Variants in PPM1L observed in about 807,000 individuals in gnomAD.
PPM1L encodes the protein protein phosphatase 1L.
A neutral mutation model predicts 31.4 loss-of-function variants in PPM1L; 13 were observed. The ratio of observed to expected loss-of-function variants is 0.41; its 90% CI spans 0.27 to 0.66. The LOEUF (loss-of-function observed/expected upper bound fraction) is 0.66. PPM1L is among the 30% of genes least tolerant of loss of function. PPM1L has a pLI of 0.29. For synonymous variants in PPM1L, 184 were observed against 175.4 expected, an observed-to-expected ratio of 1.05 and a Z score of -0.39; for missense variants, 326 against 453.7, an observed-to-expected ratio of 0.72 and a Z score of 2.56.
chr3:160,767,882 T>A (rs1715146290), intron 1 of PPM1L, among the ~76,000 whole-genome samples: 1 of 152,222 alleles, frequency 6.6e-6, no homozygotes, highest in African/African-American at 2.4e-5. Context: ...ATCTAGTAAG[T>A]GCTTTCATTT....
chr3:160,775,304 T>G (rs1711538494), intron 1 of PPM1L, among the ~76,000 whole-genome samples: 1 of 152,242 alleles, frequency 6.6e-6, no homozygotes. Context: ...GCCTGGTTTG[T>G]TAAGGCATTC....
chr3:161,027,830 T>C (rs1333668011), intron 2 of PPM1L, among the ~76,000 whole-genome samples: 1 of 151,762 alleles, frequency 6.6e-6, no homozygotes, highest in Non-Finnish European at 1.5e-5. Flanking sequence ...TGCAAAAAAA[T>C]TTGCAAAAAG....
chr3:161,005,345 A>C (rs1003136046), intron 2 of PPM1L, among the ~76,000 whole-genome samples: 1 of 152,208 alleles, frequency 6.6e-6, no homozygotes, highest in Non-Finnish European at 1.5e-5. Flanking sequence ...AAACAAAGTG[A>C]GTTATGTATG....
intron 1 of PPM1L, among the ~76,000 whole-genome samples, chr3:160,761,879 C>G (rs1400034500): frequency 2.0e-5 from 3 of 152,112 alleles, no homozygotes; most frequent in Non-Finnish European, 4.4e-5. Context: ...ATTATCAGAT[C>G]TTGTGAGACT....
chr3:161,016,314 A>G (rs765104640), intron 2 of PPM1L, among the ~76,000 whole-genome samples: 5 of 152,240 alleles, frequency 3.3e-5, no homozygotes, highest in African/African-American at 1.2e-4. Flanking sequence ...GCATGGTCCT[A>G]TATTCTAGGA....
intron 2 of PPM1L, among the ~76,000 whole-genome samples, chr3:161,005,807 A>G (rs111799373): frequency 0.025 from 3,809 of 152,324 alleles, 83 homozygotes; most frequent in South Asian, 0.044. Context: ...ACATGCAAAA[A>G]TGAGTCAGAA....
intron 1 of PPM1L, among the ~76,000 whole-genome samples, chr3:160,898,667 A>G (rs1238340511): frequency 6.6e-6 from 1 of 152,172 alleles, no homozygotes; most frequent in Admixed American, 6.5e-5. Flanking sequence ...GACCAGGTGA[A>G]CCAAGTGAGA....
chr3:160,774,944 C>G (rs1408269219), intron 1 of PPM1L, among the ~76,000 whole-genome samples: 1 of 152,148 alleles, frequency 6.6e-6, no homozygotes, highest in African/African-American at 2.4e-5. Context: ...TGCAATAATT[C>G]TAAAAATAAT....
At chr3:160,786,191 A>G (rs865965187) in intron 1 of PPM1L, among the ~76,000 whole-genome samples, 138 of 36,344 alleles carry the variant, frequency 3.8e-3, no homozygotes, top group Middle Eastern at 0.011. Flanking sequence ...GTGTGTGTAT[A>G]TATATATATA....
intron 1 of PPM1L, among the ~76,000 whole-genome samples, chr3:160,775,147 T>G (rs1406884687): frequency 2.6e-5 from 4 of 152,188 alleles, no homozygotes; most frequent in Non-Finnish European, 5.9e-5. Flanking sequence ...ATTTTACAGT[T>G]GGGGAAACTG....
Position 160,756,736 on chromosome 3 carries a change from G to C in PPM1L, c.399+29G>C. On this transcript the variant is annotated intron_variant, in intron 1 of 3. Transcript: ENST00000498165. The surrounding 1 kb of genome is among the most constrained non-coding windows in gnomAD (Gnocchi z 6.2). ...GGAGCTACCCCGGGGCTTTGTATTTGTGTCCGTGTATGTCTCGTGTGTGTG... is the reference window on the plus strand; with the variant it reads ...GGAGCTACCCCGGGGCTTTGTATTTCTGTCCGTGTATGTCTCGTGTGTGTG... The C allele has an allele frequency of 6.3e-7, 1 of 1,595,994 alleles. No homozygotes were observed. The highest frequency in any genetic ancestry group is 1.1e-5 in the South Asian group (1 of 88,042).
At chr3:160,778,267 G>A (rs929167369) in intron 1 of PPM1L, among the ~76,000 whole-genome samples, 13 of 151,840 alleles carry the variant, frequency 8.6e-5, no homozygotes, top group Non-Finnish European at 1.6e-4. Context: ...TCTTTATGTA[G>A]TCCAGATATT....
intron 2 of PPM1L, among the ~76,000 whole-genome samples, chr3:161,043,616 A>T (rs763715986): frequency 6.6e-6 from 1 of 152,198 alleles, no homozygotes; most frequent in Non-Finnish European, 1.5e-5. Flanking sequence ...TTTTATTGCA[A>T]ATCAGCCACC....
intron 2 of PPM1L, among the ~76,000 whole-genome samples, chr3:161,008,723 A>G (rs1300746771): frequency 6.6e-6 from 1 of 152,224 alleles, no homozygotes; most frequent in Non-Finnish European, 1.5e-5. Context: ...TTTTTGACCC[A>G]AACAGCTGCC....
intron 1 of PPM1L, among the ~76,000 whole-genome samples, chr3:160,874,305 G>A (rs150328551): frequency 4.1e-4 from 62 of 152,326 alleles, no homozygotes; most frequent in African/African-American, 1.4e-3. Flanking sequence ...TGCAGCAGTG[G>A]TGATGAGAAA....
chr3:160,806,979 A>G (rs1314729020), intron 1 of PPM1L, among the ~76,000 whole-genome samples: 1 of 152,104 alleles, frequency 6.6e-6, no homozygotes, highest in Non-Finnish European at 1.5e-5. Context: ...AGAAAGAAAG[A>G]AAAAGAAATC....
At chr3:160,866,620 A>C (rs763564181) in intron 1 of PPM1L, among the ~76,000 whole-genome samples, 1 of 152,200 alleles carries the variant, frequency 6.6e-6, no homozygotes, top group African/African-American at 2.4e-5. Context: ...AACCACTTTA[A>C]TGGAGCTCTT....
intron 1 of PPM1L, among the ~76,000 whole-genome samples, chr3:160,851,008 A>G (rs1711507376): frequency 6.6e-6 from 1 of 151,244 alleles, no homozygotes; most frequent in Non-Finnish European, 1.5e-5. Flanking sequence ...CAGTCCCAGC[A>G]CTCTCTAAAA....
intron 2 of PPM1L, among the ~76,000 whole-genome samples, chr3:160,962,344 C>T (rs1422226730): frequency 2.0e-5 from 3 of 152,026 alleles, no homozygotes; most frequent in Non-Finnish European, 4.4e-5. Flanking sequence ...GCAACTCAGA[C>T]ACTACCACAT....
Sources: allele counts gnomAD v4.1 joint callset (sites outside exome capture counted in the v4.1 genomes callset), GRCh38; gene constraint gnomAD v4.1.1; non-coding constraint Gnocchi (gnomAD v3.1); transcripts MANE v1.5; gene names NCBI Gene and HGNC (gene_info 2026-07-23, HGNC 2026-07-21).